DLG2: variants seen among roughly 807,000 people sequenced by gnomAD.
The protein encoded by DLG2 is disks large homolog 2.
Under a neutral mutation model 132.5 loss-of-function variants are expected in DLG2, and 45 were observed. The ratio of observed to expected loss-of-function variants is 0.34; its 90% CI spans 0.27 to 0.44. The LOEUF is 0.44. DLG2 is among the 20% of genes least tolerant of loss of function. The probability of loss-of-function intolerance (pLI) is 1.00; values close to 1 mark genes in which losing one functional copy is unlikely to be tolerated. For synonymous variants in DLG2, 424 were observed against 419.6 expected, an observed-to-expected ratio of 1.01 and a Z score of -0.13; for missense variants, 1,045 against 1,196.9, an observed-to-expected ratio of 0.87 and a Z score of 1.87.
intron 6 of DLG2, among the ~76,000 whole-genome samples, chr11:84,691,212 T>TA (rs2057995370): frequency 6.6e-6 from 1 of 151,860 alleles, no homozygotes; most frequent in South Asian, 2.1e-4. Context: ...TAATACAACT[T>TA]ACTATCTTTA....
intron 7 of DLG2, among the ~76,000 whole-genome samples, chr11:84,295,425 T>A (rs527477976): frequency 1.3e-5 from 2 of 152,324 alleles, no homozygotes; most frequent in South Asian, 4.1e-4. Context: ...GCATCCAGGC[T>A]GCCACTTTTT....
chr11:83,526,015 A>G (rs2095600697), intron 21 of DLG2, among the ~76,000 whole-genome samples: 1 of 152,206 alleles, frequency 6.6e-6, no homozygotes, highest in Non-Finnish European at 1.5e-5. Context: ...GTCAATGGCC[A>G]TATGGAAAGT....
chr11:84,580,295 T>A (rs541074825), intron 6 of DLG2, among the ~76,000 whole-genome samples: 1 of 152,278 alleles, frequency 6.6e-6, no homozygotes, highest in Admixed American at 6.5e-5. Context: ...ATATAAATAA[T>A]CTAAGGCCTG....
chr11:85,294,292 G>C (rs1190291567), intron 3 of DLG2, among the ~76,000 whole-genome samples: 1 of 151,888 alleles, frequency 6.6e-6, no homozygotes, highest in African/African-American at 2.4e-5. Flanking sequence ...AAATGGTAAG[G>C]TGACTAGGAG....
intron 18 of DLG2, among the ~76,000 whole-genome samples, chr11:83,699,150 T>C (rs1238608782): frequency 6.6e-6 from 1 of 152,182 alleles, no homozygotes. Flanking sequence ...TAAAGGCAGA[T>C]AGGAGCATAA....
intron 6 of DLG2, among the ~76,000 whole-genome samples, chr11:84,746,020 T>A (rs183655498): frequency 3.3e-5 from 5 of 152,334 alleles, no homozygotes; most frequent in African/African-American, 1.2e-4. Context: ...ATTAACTGAC[T>A]GACTACTATG....
intron 22 of DLG2, among the ~76,000 whole-genome samples, chr11:83,481,822 T>C (rs1178373846): frequency 1.3e-5 from 2 of 151,380 alleles, no homozygotes; most frequent in South Asian, 2.1e-4. Flanking sequence ...GGGCTTTTTG[T>C]TGTTGTTGCG....
intron 3 of DLG2, among the ~76,000 whole-genome samples, chr11:85,403,319 C>T (rs2088372434): frequency 6.6e-6 from 1 of 151,830 alleles, no homozygotes; most frequent in Non-Finnish European, 1.5e-5. Flanking sequence ...GGGTCGGGTA[C>T]ATCAAACATT....
intron 7 of DLG2, among the ~76,000 whole-genome samples, chr11:84,452,819 A>G (rs947887908): frequency 1.3e-5 from 2 of 151,676 alleles, no homozygotes; most frequent in African/African-American, 4.8e-5. Context: ...CCAGCTACTC[A>G]GGTTGGGGCA....
Position 84,178,791 on chromosome 11 carries a change from T to G in DLG2, c.574-15280A>C, listed in dbSNP as rs557083811. ...ATCAGAGACATCAGTAGCTATATAC[T>G]GCAGGGGAAACAGACTACAGATCTA... On this transcript the variant is annotated intron_variant, in intron 8 of 27. Transcript: ENST00000376104. 2.0e-5 allele frequency among the ~76,000 whole-genome samples: 3 copies of G among 151,804 alleles called. No individual in the cohort carries two copies. In the East Asian group the frequency reaches 5.8e-4, roughly 29 times the overall value.
At chr11:85,572,548 C>G (rs2077903475) in intron 3 of DLG2, among the ~76,000 whole-genome samples, 1 of 152,106 alleles carries the variant, frequency 6.6e-6, no homozygotes, top group South Asian at 2.1e-4. Flanking sequence ...CCCCAAATAT[C>G]TATATTTTCC....
intron 7 of DLG2, among the ~76,000 whole-genome samples, chr11:84,384,320 A>C (rs1185970901): frequency 6.6e-6 from 1 of 152,050 alleles, no homozygotes; most frequent in Non-Finnish European, 1.5e-5. Context: ...ATAAATATGG[A>C]AAATGCAACT....
At chr11:84,027,804 CAG>C (rs1289857418) in intron 11 of DLG2, among the ~76,000 whole-genome samples, 9 of 151,974 alleles carry the variant, frequency 5.9e-5, no homozygotes, top group African/African-American at 2.2e-4. Context: ...CATGGCAGTT[CAG>C]AGTGATATTC....
chr11:84,579,188 C>CGTGTATGTGTGTGTGT (rs1555057730), intron 6 of DLG2, among the ~76,000 whole-genome samples: 26 of 145,698 alleles, frequency 1.8e-4, no homozygotes, highest in Admixed American at 9.6e-4. Context: ...GCATTATTCA[C>CGTGTATGTGTGTGTGT]GTGTGTGTGT....
At chr11:83,746,591 C>T (rs113555648) in intron 18 of DLG2, among the ~76,000 whole-genome samples, 4 of 150,782 alleles carry the variant, frequency 2.7e-5, no homozygotes, top group Non-Finnish European at 4.4e-5. Flanking sequence ...GTGGGGGGAG[C>T]GGGGAGGGAT....
intron 6 of DLG2, among the ~76,000 whole-genome samples, chr11:85,024,302 T>C (rs926534174): frequency 6.6e-6 from 1 of 152,184 alleles, no homozygotes. Context: ...GAAATGTATC[T>C]GACGCACATT....
At chr11:84,506,565 G>A (rs1050717779) in intron 7 of DLG2, among the ~76,000 whole-genome samples, 17 of 152,096 alleles carry the variant, frequency 1.1e-4, no homozygotes, top group Non-Finnish European at 1.6e-4. Context: ...CAAGGAAACT[G>A]ATTCTTCCCT....
intron 8 of DLG2, among the ~76,000 whole-genome samples, chr11:84,192,665 G>A (rs2096435199): frequency 6.6e-6 from 1 of 152,284 alleles, no homozygotes; most frequent in South Asian, 2.1e-4. Flanking sequence ...AGGAGGTGGA[G>A]GTTGCAGTGA....
chr11:84,421,450 T>A (rs2098950428), intron 7 of DLG2, among the ~76,000 whole-genome samples: 1 of 152,194 alleles, frequency 6.6e-6, no homozygotes, highest in African/African-American at 2.4e-5. Context: ...CAACAATGTG[T>A]GTTTTATCAA....
Sources: gnomAD v4.1 joint callset for allele counts (sites outside exome capture counted in the v4.1 genomes callset) on GRCh38, gnomAD v4.1.1 for gene constraint, MANE v1.5 for transcripts, NCBI Gene and HGNC (gene_info 2026-07-23, HGNC 2026-07-21) for gene names.